Variants in CFAP221 observed in about 807,000 individuals in gnomAD.
CFAP221 encodes cilia and flagella associated protein 221, also known as cilia- and flagella-associated protein 221.
A neutral mutation model predicts 113.1 loss-of-function variants in CFAP221; 97 were observed. That is an observed-to-expected ratio of 0.86 (90% CI 0.73 to 1.02). The LOEUF is 1.02. CFAP221 is among the 50% of genes least tolerant of loss of function. The pLI, the probability that CFAP221 is intolerant of heterozygous loss-of-function variation, is 0.00. For synonymous variants in CFAP221, 331 were observed against 354.4 expected, an observed-to-expected ratio of 0.93 and a Z score of 0.74; for missense variants, 1,025 against 1,013.4, an observed-to-expected ratio of 1.01 and a Z score of -0.16.
At chr2:119,634,269 GT>G (rs1686976176) in intron 19 of CFAP221, among the ~76,000 whole-genome samples, 1 of 152,152 alleles carries the variant, frequency 6.6e-6, no homozygotes, top group African/African-American at 2.4e-5. Flanking sequence ...GAGCCCAGGA[GT>G]TTGAGACCAG....
chr2:119,640,778 C>T (rs887598496), intron 21 of CFAP221, among the ~76,000 whole-genome samples: 27 of 152,184 alleles, frequency 1.8e-4, no homozygotes, highest in Admixed American at 1.6e-3. Context: ...ACACACACCC[C>T]AGCTCCCACT....
chr2:119,593,711 C>T (rs1332486709), intron 7 of CFAP221, among the ~76,000 whole-genome samples: 4 of 152,050 alleles, frequency 2.6e-5, no homozygotes, highest in Non-Finnish European at 5.9e-5. Flanking sequence ...TAGTGACGGG[C>T]GCCTATAGTC....
intron 19 of CFAP221, among the ~76,000 whole-genome samples, chr2:119,637,769 A>G (rs1416369948): frequency 2.0e-5 from 3 of 152,240 alleles, no homozygotes; most frequent in African/African-American, 7.2e-5. Context: ...AATCAAACAC[A>G]TTACCAAAAC....
chr2:119,650,474 C>A (rs1356350640), intron 22 of CFAP221, among the ~76,000 whole-genome samples: 1 of 152,244 alleles, frequency 6.6e-6, no homozygotes, highest in Non-Finnish European at 1.5e-5. Context: ...CCCAACTCCT[C>A]CTCCATTCAG....
At position 119,596,646 on chromosome 2, in the gene CFAP221, G is replaced by T. The variant is rs80330961; in HGVS notation, c.632-4572G>T. Among the ~76,000 whole-genome samples, 964 of 152,300 alleles carry T rather than the reference G, an allele frequency of 6.3e-3. 10 individuals carry two copies. The highest frequency in any genetic ancestry group is 0.019 in the South Asian group (93 of 4,832). On this transcript the variant is annotated intron_variant, in intron 7 of 23. Coordinates refer to ENST00000413369, the MANE Select transcript of CFAP221 (RefSeq NM_001271049.2). ...ATTTTACCACTTATTTCGAGTTCCA[G>T]TCAAAAAAGCTTGCGGGAGGGAGAA...
chr2:119,632,447 G>A (rs531820229), intron 19 of CFAP221, among the ~76,000 whole-genome samples: 25 of 152,064 alleles, frequency 1.6e-4, no homozygotes, highest in Non-Finnish European at 3.2e-4. Context: ...CATTCCTGAT[G>A]AACACTATCA....
intron 14 of CFAP221, among the ~76,000 whole-genome samples, chr2:119,617,955 T>C (rs1445645291): frequency 1.3e-5 from 2 of 152,242 alleles, no homozygotes; most frequent in Non-Finnish European, 2.9e-5. Context: ...CAAACATCTT[T>C]CCATTGTTGT....
chr2:119,549,713 G>A (rs184159425), intron 3 of CFAP221, among the ~76,000 whole-genome samples: 8 of 152,270 alleles, frequency 5.3e-5, no homozygotes, highest in African/African-American at 1.4e-4. Flanking sequence ...TTTTACCTGC[G>A]TGGGTCAGAT....
At chr2:119,546,652 C>T (rs1471042837) in intron 2 of CFAP221, among the ~76,000 whole-genome samples, 1 of 152,154 alleles carries the variant, frequency 6.6e-6, no homozygotes. Flanking sequence ...GTCCCCCTTG[C>T]ATACAGAATA....
chr2:119,551,064 G>A (rs1680384414), intron 3 of CFAP221, among the ~76,000 whole-genome samples: 1 of 152,180 alleles, frequency 6.6e-6, no homozygotes, highest in African/African-American at 2.4e-5. Flanking sequence ...GCTTATCCAA[G>A]TCATAGCATG....
chr2:119,628,011 T>A (rs527568118), intron 16 of CFAP221, among the ~76,000 whole-genome samples: 2 of 152,144 alleles, frequency 1.3e-5, no homozygotes, highest in Non-Finnish European at 2.9e-5. Context: ...ACTGGGTCCT[T>A]CCCAGCCTGA....
chr2:119,611,504 C>A, intron 12 of CFAP221, 149 bp from the exon 13 acceptor site: 1 of 558,740 alleles, frequency 1.8e-6, no homozygotes, highest in South Asian at 2.2e-5. Context: ...TCATACTGAT[C>A]TTTTTTACCC....
At chr2:119,564,427 C>A (rs930725254) in intron 6 of CFAP221, among the ~76,000 whole-genome samples, 4 of 152,028 alleles carry the variant, frequency 2.6e-5, no homozygotes, top group African/African-American at 9.7e-5. Flanking sequence ...TAATAATTTG[C>A]ACAGTTTGAA....
At chr2:119,623,688 G>C (rs889284184) in intron 14 of CFAP221, among the ~76,000 whole-genome samples, 8 of 152,174 alleles carry the variant, frequency 5.3e-5, no homozygotes, top group African/African-American at 1.7e-4. Flanking sequence ...CAATGGAACA[G>C]AACAGAAGCC....
At chr2:119,654,216 A>C (rs552151037) in intron 23 of CFAP221, among the ~76,000 whole-genome samples, 1 of 152,186 alleles carries the variant, frequency 6.6e-6, no homozygotes, top group Non-Finnish European at 1.5e-5. Flanking sequence ...AAAATGTAAG[A>C]AACAAAATTT....
In CFAP221 at chr2:119,647,053, A is replaced by ATTT; in HGVS notation, c.2318+15_2318+17dup. On this transcript the variant is annotated splice_donor_region_variant and intron_variant, in intron 22 of 23. Coordinates refer to ENST00000413369, the MANE Select transcript of CFAP221 (RefSeq NM_001271049.2). The stretch of plus-strand genomic sequence containing the variant: ...GACAGACTAGAAACAGTAGAACGGT[A>ATTT]TTTTTTTTTTTTTTAATCTTTGGCC... 7.7e-7 allele frequency: 1 copy of ATTT among 1,304,894 alleles called. No individual in the cohort carries two copies. 80.8% of individuals were successfully genotyped at this position (1,304,894 alleles called of 1,614,324 possible). A position where few individuals can be genotyped will look rare whatever the true frequency, so the allele number is the denominator to read the frequency against.
intron 22 of CFAP221, among the ~76,000 whole-genome samples, chr2:119,651,329 C>G (rs1429583726): frequency 2.0e-5 from 3 of 152,098 alleles, no homozygotes; most frequent in Non-Finnish European, 4.4e-5. Flanking sequence ...TGCAACACAA[C>G]CACACCCATT....
intron 7 of CFAP221, among the ~76,000 whole-genome samples, chr2:119,594,945 G>A (rs1683856192): frequency 6.6e-6 from 1 of 152,234 alleles, no homozygotes; most frequent in Non-Finnish European, 1.5e-5. Flanking sequence ...CCCACAGTCT[G>A]TGTATTCAAG....
rs1214355468 is a variant in CFAP221 at position 119,604,766 on chromosome 2, G to T, written c.886G>T (p.Ala296Ser). 6.5e-7 allele frequency: 1 copy of T among 1,544,518 alleles called. No homozygotes were observed. Among genetic ancestry groups the T allele is most frequent in the East Asian group, 2.3e-5 (1 of 44,124 alleles). The change falls in exon 9 of 24, where the codon GCG becomes TCG. Residue 296 changes from alanine (A) to serine (S), a missense_variant. Transcript: ENST00000413369. Reference protein sequence around the residue: ...MMHINFHRPPAKPKPQKVKEI... With the variant: ...MMHINFHRPPSKPKPQKVKEI... ...GCATATAAATTTTCACCGACCGCCA[G>T]CGAAGCCGAAGCCTCAGAAGGTGAA...
Sources: allele counts gnomAD v4.1 joint callset (sites outside exome capture counted in the v4.1 genomes callset), GRCh38; gene constraint gnomAD v4.1.1; transcripts MANE v1.5; gene names NCBI Gene and HGNC (gene_info 2026-07-23, HGNC 2026-07-21).